The following NUBPL variants were observed in gnomAD, a reference collection of about 807,000 sequenced individuals.
NUBPL encodes NUBP iron-sulfur cluster assembly factor, mitochondrial.
NUBPL carries 31 observed loss-of-function variants against 45.7 expected under a neutral mutation model. The observed-to-expected ratio is 0.68, with a 90% confidence interval of 0.51 to 0.92. The LOEUF (loss-of-function observed/expected upper bound fraction) is 0.92, where lower values mean the gene tolerates loss of function less well. Among genes scored for constraint, NUBPL ranks in the 40% least tolerant of loss-of-function variants. The pLI, the probability that NUBPL is intolerant of heterozygous loss-of-function variation, is 0.00. For synonymous variants in NUBPL, 144 were observed against 140.9 expected (o/e 1.02, Z -0.15); for missense variants, 401 against 398.7 (o/e 1.01, Z -0.05).
intron 4 of NUBPL, among the ~76,000 whole-genome samples, chr14:31,645,657 G>A (rs1338334409): frequency 4.0e-5 from 6 of 151,808 alleles, no homozygotes; most frequent in Admixed American, 2.6e-4. Context: ...AATGTGGTTA[G>A]TATGAGACTT....
chr14:31,770,199 G>C (rs938188476), intron 6 of NUBPL, among the ~76,000 whole-genome samples: 2 of 152,188 alleles, frequency 1.3e-5, no homozygotes, highest in Non-Finnish European at 2.9e-5. Flanking sequence ...GCAATAGAGA[G>C]AGAGTTTAAT....
At position 31,790,446 on chromosome 14, in the gene NUBPL, G is replaced by A. The variant is rs117896057; in HGVS notation, c.607+2573G>A. Among the ~76,000 whole-genome samples, 1,197 of 152,266 alleles carry A rather than the reference G, an allele frequency of 7.9e-3. 8 individuals are homozygous for A. The highest frequency in any genetic ancestry group is 0.024 in the Middle Eastern group (7 of 294). ...CTTTTTTTTGTTGTGGTGGTGAAAT[G>A]TGCAGAGCAGTTAAGTAGTACTAAT... On this transcript the variant is annotated intron_variant, in intron 7 of 10. Transcript: ENST00000281081.
At chr14:31,768,643 A>G (rs1407413474) in intron 6 of NUBPL, among the ~76,000 whole-genome samples, 1 of 152,198 alleles carries the variant, frequency 6.6e-6, no homozygotes, top group Non-Finnish European at 1.5e-5. Context: ...CTTTACCTGA[A>G]TCTCCTGTCC....
intron 4 of NUBPL, among the ~76,000 whole-genome samples, chr14:31,604,179 GAAA>G (rs34844125): frequency 1.6e-5 from 2 of 121,960 alleles, no homozygotes; most frequent in Admixed American, 8.0e-5. Flanking sequence ...TGGAAAGGCT[GAAA>G]AAAAAAAAAA....
chr14:31,693,414 CTAATA>C (rs1292485543), intron 6 of NUBPL, among the ~76,000 whole-genome samples: 1 of 152,218 alleles, frequency 6.6e-6, no homozygotes, highest in Non-Finnish European at 1.5e-5. Context: ...CATTATAAAA[CTAATA>C]TAAGTTACCA....
intron 4 of NUBPL, among the ~76,000 whole-genome samples, chr14:31,612,269 A>G (rs2034779048): frequency 6.6e-6 from 1 of 152,258 alleles, no homozygotes; most frequent in African/African-American, 2.4e-5. Context: ...GCTCAGACAA[A>G]TCTATAGGAA....
chr14:31,610,608 CAAAAAAAAAAAAA>C (rs775656176), intron 4 of NUBPL, among the ~76,000 whole-genome samples: 1 of 94,708 alleles, frequency 1.1e-5, no homozygotes, highest in Non-Finnish European at 2.0e-5. Flanking sequence ...AAAGATACAT[CAAAAAAAAAAAAA>C]AAAAAAAAAG....
At chr14:31,828,337 A>G (rs1206149454) in intron 8 of NUBPL, among the ~76,000 whole-genome samples, 1 of 152,324 alleles carries the variant, frequency 6.6e-6, no homozygotes, top group Non-Finnish European at 1.5e-5. Context: ...ATCAGCAAAA[A>G]GTTAGGAGGT....
chr14:31,664,806 G>C (rs2036365033), intron 4 of NUBPL, among the ~76,000 whole-genome samples: 1 of 152,288 alleles, frequency 6.6e-6, no homozygotes, highest in East Asian at 1.9e-4. Flanking sequence ...GTTTCAGAAG[G>C]AATGGTAGCA....
rs776701145 is a variant in NUBPL at position 31,599,733 on chromosome 14, G to A, written c.382+354G>A. Among the ~76,000 whole-genome samples, 40 of 152,090 alleles carry A rather than the reference G, an allele frequency of 2.6e-4. 1 individual carries two copies. Among genetic ancestry groups the A allele is most frequent in the Admixed American group, 1.3e-4 (2 of 15,258 alleles). ...TATTTACACAATTTTTAGTGAATCA[G>A]TGAGTGAAAGCAGTCATAGTGGTGG... On this transcript the variant is annotated intron_variant, in intron 4 of 10. Coordinates refer to ENST00000281081, the MANE Select transcript of NUBPL (RefSeq NM_025152.3).
At position 31,771,798 on chromosome 14, in the gene NUBPL, A is replaced by G. The variant is rs2039014261; in HGVS notation, c.514-15982A>G. On this transcript the variant is annotated intron_variant, in intron 6 of 10. Transcript: ENST00000281081. Reference sequence around the variant, plus strand: ...TGTGCTCTCCTTTACCTATTACCCCACTTCTTCCATTTACCAGCCCATTTC... The same window carrying G: ...TGTGCTCTCCTTTACCTATTACCCCGCTTCTTCCATTTACCAGCCCATTTC... The G allele has an allele frequency of 3.5e-6, 3 of 869,144 alleles. No homozygotes were observed. In the South Asian group the frequency reaches 1.6e-4, roughly 46 times the overall value. 53.8% of individuals were successfully genotyped at this position (869,144 alleles called of 1,614,324 possible). A position where few individuals can be genotyped will look rare whatever the true frequency, so the allele number is the denominator to read the frequency against.
chr14:31,854,110 T>G (rs914062316), intron 10 of NUBPL, among the ~76,000 whole-genome samples: 4 of 152,346 alleles, frequency 2.6e-5, no homozygotes, highest in South Asian at 2.1e-4. Flanking sequence ...AATCTTAATA[T>G]GAAATGACTG....
intron 4 of NUBPL, among the ~76,000 whole-genome samples, chr14:31,626,648 C>T (rs948036941): frequency 6.6e-6 from 1 of 152,114 alleles, no homozygotes; most frequent in Non-Finnish European, 1.5e-5. Flanking sequence ...CTTGCCAAAA[C>T]GAGCTACACC....
intron 7 of NUBPL, among the ~76,000 whole-genome samples, chr14:31,811,257 A>G (rs112262344): frequency 0.074 from 11,217 of 152,244 alleles, 474 homozygotes; most frequent in Non-Finnish European, 0.092. Context: ...TAGTACACCA[A>G]TTACATGTAG....
chr14:31,701,484 C>T (rs920309832), intron 6 of NUBPL, among the ~76,000 whole-genome samples: 12 of 152,242 alleles, frequency 7.9e-5, no homozygotes, highest in East Asian at 1.9e-4. Flanking sequence ...GGTCCCCTTC[C>T]GCATGTGGAA....
At chr14:31,765,317 T>C (rs769798803) in intron 6 of NUBPL, among the ~76,000 whole-genome samples, 2 of 152,232 alleles carry the variant, frequency 1.3e-5, no homozygotes, top group African/African-American at 4.8e-5. Flanking sequence ...GAAAAGATAT[T>C]TTTAAAATTA....
At chr14:31,780,897 G>A (rs141004537) in intron 6 of NUBPL, among the ~76,000 whole-genome samples, 26 of 152,258 alleles carry the variant, frequency 1.7e-4, no homozygotes, top group African/African-American at 6.0e-4. Context: ...ACTTTTAATA[G>A]CACATTTACA....
chr14:31,605,759 C>A (rs564822250), intron 4 of NUBPL, among the ~76,000 whole-genome samples: 45 of 150,566 alleles, frequency 3.0e-4, no homozygotes, highest in Non-Finnish European at 6.1e-4. Flanking sequence ...TTCCTTCCTC[C>A]TTCTCCTTCT....
rs559807682 is a variant in NUBPL at position 31,792,055 on chromosome 14, A to G, written c.607+4182A>G. Among the ~76,000 whole-genome samples, 87 of 152,310 alleles carry G rather than the reference A, an allele frequency of 5.7e-4. 1 individual carries two copies. In the South Asian group the frequency reaches 0.017, roughly 30 times the overall value. ...TTTCATAAGATAACACAATTACAGT[A>G]GATCATAGCTAAGTTTCATATTCAT... On this transcript the variant is annotated intron_variant, in intron 7 of 10. Coordinates refer to ENST00000281081, the MANE Select transcript of NUBPL (RefSeq NM_025152.3).
Sources: gnomAD v4.1 joint callset for allele counts (sites outside exome capture counted in the v4.1 genomes callset) on GRCh38, gnomAD v4.1.1 for gene constraint, MANE v1.5 for transcripts, NCBI Gene and HGNC (gene_info 2026-07-23, HGNC 2026-07-21) for gene names.